Variants in MAP2K6 observed in about 807,000 individuals in gnomAD.
The protein encoded by MAP2K6 is dual specificity mitogen-activated protein kinase kinase 6.
In MAP2K6, 16 loss-of-function variants were observed where a neutral mutation model predicts 53.7. That is an observed-to-expected ratio of 0.30 (90% CI 0.20 to 0.45). MAP2K6 has a LOEUF of 0.45. Ranked by LOEUF, MAP2K6 falls within the 20% of genes least tolerant of loss-of-function variation. The pLI is 1.00. For synonymous variants in MAP2K6, 132 were observed against 143.1 expected (o/e 0.92, Z 0.55); for missense variants, 204 against 411.9 (o/e 0.50, Z 4.37).
chr17:69,436,435 AAAGAATTTT>A (rs1009933066), intron 1 of MAP2K6, among the ~76,000 whole-genome samples: 4 of 152,234 alleles, frequency 2.6e-5, no homozygotes, highest in Non-Finnish European at 4.4e-5. Flanking sequence ...TAAACCTTGG[AAAGAATTTT>A]AAGAATTTTA....
intron 1 of MAP2K6, among the ~76,000 whole-genome samples, chr17:69,421,943 C>T (rs756367432): frequency 6.6e-6 from 1 of 151,984 alleles, no homozygotes; most frequent in Non-Finnish European, 1.5e-5. Flanking sequence ...TCCTTGACCA[C>T]CTCCACTGCC....
chr17:69,486,083 A>G (rs1908526027), intron 1 of MAP2K6, among the ~76,000 whole-genome samples: 4 of 152,222 alleles, frequency 2.6e-5, no homozygotes, highest in Admixed American at 2.6e-4. Context: ...AATTAAGTCT[A>G]GAACATATCA....
chr17:69,474,148 T>G (rs936002680), intron 1 of MAP2K6, among the ~76,000 whole-genome samples: 1 of 152,232 alleles, frequency 6.6e-6, no homozygotes, highest in Non-Finnish European at 1.5e-5. Flanking sequence ...GCTACATGTT[T>G]TGGTGTGTTA....
chr17:69,537,184 T>G (rs935910968), intron 11 of MAP2K6, among the ~76,000 whole-genome samples: 4 of 152,220 alleles, frequency 2.6e-5, no homozygotes, highest in Non-Finnish European at 4.4e-5. Flanking sequence ...GGACCTAAAC[T>G]TGGCAATGCT....
intron 2 of MAP2K6, among the ~76,000 whole-genome samples, chr17:69,508,653 T>C (rs1284527144): frequency 6.6e-6 from 1 of 152,246 alleles, no homozygotes; most frequent in South Asian, 2.1e-4. Context: ...GTTCAACTTA[T>C]CAATTATTAC....
intron 1 of MAP2K6, among the ~76,000 whole-genome samples, chr17:69,503,543 G>C (rs1357044422): frequency 1.3e-5 from 2 of 152,150 alleles, no homozygotes; most frequent in Admixed American, 1.3e-4. Context: ...TTCTGAAGGT[G>C]GTCCTAAAAG....
intron 1 of MAP2K6, among the ~76,000 whole-genome samples, chr17:69,492,702 G>C (rs1160176902): frequency 6.6e-6 from 1 of 152,120 alleles, no homozygotes; most frequent in Non-Finnish European, 1.5e-5. Context: ...CTCTGGGTGT[G>C]TCTACTCTCC....
At chr17:69,523,305 A>G (rs1171384781) in intron 7 of MAP2K6, among the ~76,000 whole-genome samples, 1 of 152,240 alleles carries the variant, frequency 6.6e-6, no homozygotes, top group East Asian at 1.9e-4. Context: ...ACAATTCTAC[A>G]AGGCATGAAC....
At chr17:69,421,833 A>G (rs546858373) in intron 1 of MAP2K6, among the ~76,000 whole-genome samples, 116 of 151,892 alleles carry the variant, frequency 7.6e-4, no homozygotes, top group Admixed American at 4.1e-3. Context: ...GTGAGCCACC[A>G]CGCCCGGCCC....
In MAP2K6 at chr17:69,548,327, C is replaced by T. The variant is rs370364539; in HGVS notation, c.*6574C>T. On this transcript the variant is annotated 3_prime_UTR_variant, in exon 12 of 12. Coordinates refer to ENST00000590474, the MANE Select transcript of MAP2K6 (RefSeq NM_002758.4). Reference sequence around the variant, plus strand: ...TGGAAATCTTGTCTTCCCTATAGAACGAGAACAGCTATGTAATTTGCTTCA... The same window carrying T: ...TGGAAATCTTGTCTTCCCTATAGAATGAGAACAGCTATGTAATTTGCTTCA... 3 of 152,024 alleles carry T rather than the reference C, an allele frequency of 2.0e-5. No individual in the cohort carries two copies. The highest frequency in any genetic ancestry group is 2.1e-4 in the South Asian group (1 of 4,816). The allele number at this position is 152,024 out of a possible 1,614,324, so 9.4% of individuals were successfully genotyped here. A position where few individuals can be genotyped will look rare whatever the true frequency, so the allele number is the denominator to read the frequency against.
In MAP2K6 at chr17:69,428,861, TTTG is replaced by T. The variant is rs1211253620; in HGVS notation, c.16+13864_16+13866del. On this transcript the variant is annotated intron_variant, in intron 1 of 11. Transcript: ENST00000590474. ...ACCTGCCCTTTCTTCTGTTTTTGTT[TTTG>T]TTTTTTTTTTTTTTAATTGTTAATG... Among the ~76,000 whole-genome samples the T allele has an allele frequency of 1.4e-4, 16 of 112,670 alleles. 4 individuals carry two copies. The highest frequency in any genetic ancestry group is 1.9e-4 in the Non-Finnish European group (10 of 52,108). 73.9% of individuals were successfully genotyped at this position (112,670 alleles called of 152,430 possible). A position where few individuals can be genotyped will look rare whatever the true frequency, so the allele number is the denominator to read the frequency against.
intron 1 of MAP2K6, among the ~76,000 whole-genome samples, chr17:69,503,795 T>C (rs1478774114): frequency 6.6e-6 from 1 of 152,248 alleles, no homozygotes; most frequent in Non-Finnish European, 1.5e-5. Flanking sequence ...TTAATGTTTT[T>C]TCATATATGT....
intron 1 of MAP2K6, among the ~76,000 whole-genome samples, chr17:69,493,502 T>C (rs936203687): frequency 6.6e-5 from 10 of 152,206 alleles, no homozygotes; most frequent in African/African-American, 2.2e-4. Context: ...GTCTCACGCC[T>C]GTAATCCCAG....
chr17:69,485,467 T>C (rs899113165), intron 1 of MAP2K6: 8 of 983,802 alleles, frequency 8.1e-6, no homozygotes, highest in African/African-American at 1.7e-5. Context: ...CAGAAGCTTA[T>C]ACACTGTTAG....
At chr17:69,502,053 A>G in intron 1 of MAP2K6, 1 of 521,644 alleles carries the variant, frequency 1.9e-6, no homozygotes, top group Non-Finnish European at 2.5e-6. Flanking sequence ...TTAAGAAATC[A>G]AAGAGGCATT....
At chr17:69,489,814 C>T (rs1908675205) in intron 1 of MAP2K6, among the ~76,000 whole-genome samples, 1 of 152,166 alleles carries the variant, frequency 6.6e-6, no homozygotes, top group Non-Finnish European at 1.5e-5. Flanking sequence ...GCATCACGAA[C>T]CCTTAGCCAG....
At chr17:69,513,094 C>T (rs957647374) in intron 2 of MAP2K6, among the ~76,000 whole-genome samples, 6 of 152,282 alleles carry the variant, frequency 3.9e-5, no homozygotes, top group Admixed American at 6.5e-5. Flanking sequence ...CCTGCAGAAT[C>T]GCAATGCCCC....
intron 1 of MAP2K6, among the ~76,000 whole-genome samples, chr17:69,432,056 G>A (rs536259571): frequency 6.6e-6 from 1 of 152,260 alleles, no homozygotes; most frequent in East Asian, 1.9e-4. Flanking sequence ...TCTGGGTAGG[G>A]GTCACAGAAG....
chr17:69,530,021 G>T (rs143249737), intron 10 of MAP2K6, among the ~76,000 whole-genome samples: 3 of 151,984 alleles, frequency 2.0e-5, no homozygotes, highest in Admixed American at 6.6e-5. Context: ...ATTTTGAGCC[G>T]TAGACATGTC....
Sources: allele counts gnomAD v4.1 joint callset (sites outside exome capture counted in the v4.1 genomes callset), GRCh38; gene constraint gnomAD v4.1.1; transcripts MANE v1.5; gene names NCBI Gene and HGNC (gene_info 2026-07-23, HGNC 2026-07-21).